TMEM132C: variants seen among roughly 807,000 people sequenced by gnomAD.
TMEM132C encodes the protein protein phosphatase 1, regulatory subunit 152.
A neutral mutation model predicts 61.4 loss-of-function variants in TMEM132C; 29 were observed. The observed-to-expected ratio is 0.47, with a 90% CI of 0.35 to 0.64. TMEM132C has a LOEUF of 0.64. Ranked by LOEUF, TMEM132C falls within the 30% of genes least tolerant of loss-of-function variation. The probability of loss-of-function intolerance (pLI) is 0.00; values close to 1 mark genes in which losing one functional copy is unlikely to be tolerated. For missense variants in TMEM132C, 1,408 were observed against 1,476.9 expected (o/e 0.95, Z 0.76); for synonymous variants, 656 against 633.1 (o/e 1.04, Z -0.54).
At chr12:128,340,892 T>TTCTC (rs200810488) in intron 1 of TMEM132C, among the ~76,000 whole-genome samples, 1 of 142,464 alleles carries the variant, frequency 7.0e-6, no homozygotes, top group African/African-American at 2.8e-5. Flanking sequence ...TTCTTTTTCT[T>TTCTC]TCTTTCTCTC....
At chr12:128,374,791 G>T (rs1235502297) in intron 1 of TMEM132C, among the ~76,000 whole-genome samples, 1 of 151,848 alleles carries the variant, frequency 6.6e-6, no homozygotes, top group African/African-American at 2.4e-5. Context: ...GCGGTGGCAG[G>T]TGCCTGTGAT....
At chr12:128,355,540 A>T (rs184954189) in intron 1 of TMEM132C, among the ~76,000 whole-genome samples, 3 of 152,020 alleles carry the variant, frequency 2.0e-5, no homozygotes, top group Admixed American at 2.0e-4. Flanking sequence ...AAATCCTGTC[A>T]GTCATTGTCA....
chr12:128,702,628 G>GTTGCT (rs1954812041), intron 8 of TMEM132C, among the ~76,000 whole-genome samples: 1 of 152,168 alleles, frequency 6.6e-6, no homozygotes, highest in Non-Finnish European at 1.5e-5. Flanking sequence ...TGTTCTGAAG[G>GTTGCT]AGGTTGTATT....
chr12:128,434,870 C>T (rs936113641), intron 2 of TMEM132C, among the ~76,000 whole-genome samples: 3 of 151,746 alleles, frequency 2.0e-5, no homozygotes, highest in African/African-American at 7.3e-5. Context: ...AATCTGCCTG[C>T]CTCGACCTCC....
intron 2 of TMEM132C, among the ~76,000 whole-genome samples, chr12:128,510,120 G>C (rs931996608): frequency 6.6e-6 from 1 of 152,198 alleles, no homozygotes; most frequent in East Asian, 1.9e-4. Flanking sequence ...ATCCCAACAG[G>C]TCCAGGGGAT....
intron 1 of TMEM132C, among the ~76,000 whole-genome samples, chr12:128,414,468 A>C (rs1444600655): frequency 6.6e-6 from 1 of 152,208 alleles, no homozygotes; most frequent in Non-Finnish European, 1.5e-5. Flanking sequence ...GTTGAACTCT[A>C]TGAAACTGCC....
At chr12:128,369,830 C>T (rs1016552927) in intron 1 of TMEM132C, among the ~76,000 whole-genome samples, 1 of 152,188 alleles carries the variant, frequency 6.6e-6, no homozygotes, top group African/African-American at 2.4e-5. Flanking sequence ...TCCTGTTGTG[C>T]ACACGTTTTG....
intron 3 of TMEM132C, among the ~76,000 whole-genome samples, chr12:128,608,508 TCAAACC>T (rs1164218425): frequency 6.6e-6 from 1 of 152,170 alleles, no homozygotes; most frequent in Admixed American, 6.5e-5. Flanking sequence ...AAGTCAGAAT[TCAAACC>T]CAAATGTGTT....
Position 128,310,804 on chromosome 12 carries a change from C to A in TMEM132C, c.85+43317C>A, listed in dbSNP as rs565657472. On this transcript the variant is annotated intron_variant, in intron 1 of 8. Transcript: ENST00000435159. Reference sequence around the variant, plus strand: ...ATATGGTGGGATAGAGAAAATAAGACCTTGTGTTAGATAGATTAGCAAGGT... The same window carrying A: ...ATATGGTGGGATAGAGAAAATAAGAACTTGTGTTAGATAGATTAGCAAGGT... Among the ~76,000 whole-genome samples the A allele has an allele frequency of 3.9e-5, 6 of 152,214 alleles. No individual in the cohort carries two copies. The South Asian group carries it at 8.3e-4, about 21-fold the overall frequency.
At chr12:128,368,605 G>A (rs1300050571) in intron 1 of TMEM132C, among the ~76,000 whole-genome samples, 1 of 152,212 alleles carries the variant, frequency 6.6e-6, no homozygotes, top group Admixed American at 6.5e-5. Flanking sequence ...GGGCATGAAG[G>A]TGTAAGGTAT....
At chr12:128,499,367 G>A (rs894532934) in intron 2 of TMEM132C, among the ~76,000 whole-genome samples, 3 of 151,910 alleles carry the variant, frequency 2.0e-5, no homozygotes, top group African/African-American at 7.3e-5. Context: ...GGGTAATTGG[G>A]GTATCCATCA....
chr12:128,628,343 C>A (rs1434689703), intron 4 of TMEM132C, among the ~76,000 whole-genome samples: 1 of 152,200 alleles, frequency 6.6e-6, no homozygotes, highest in African/African-American at 2.4e-5. Context: ...TTCCCAGCCC[C>A]TCCCATGCGC....
At chr12:128,305,190 C>T (rs1871727677) in intron 1 of TMEM132C, among the ~76,000 whole-genome samples, 1 of 151,948 alleles carries the variant, frequency 6.6e-6, no homozygotes, top group Non-Finnish European at 1.5e-5. Flanking sequence ...CTCGGCAACA[C>T]AGTAGGACTC....
At chr12:128,374,600 C>G (rs1874129798) in intron 1 of TMEM132C, among the ~76,000 whole-genome samples, 1 of 152,048 alleles carries the variant, frequency 6.6e-6, no homozygotes, top group African/African-American at 2.4e-5. Flanking sequence ...ATGCCAAGTG[C>G]TGTGTTAGGC....
At chr12:128,614,012 C>T (rs116403672) in intron 3 of TMEM132C, among the ~76,000 whole-genome samples, 3,234 of 152,256 alleles carry the variant, frequency 0.021, 93 homozygotes, top group African/African-American at 0.074. Context: ...ACTGACCCAC[C>T]ACTTAGCGCC....
intron 2 of TMEM132C, among the ~76,000 whole-genome samples, chr12:128,534,646 G>A (rs12366321): frequency 0.083 from 12,605 of 152,268 alleles, 584 homozygotes; most frequent in Middle Eastern, 0.16. Context: ...AGTGTTTACC[G>A]CCCACTTCCA....
At position 128,443,646 on chromosome 12, in the gene TMEM132C, G is replaced by C. The variant is rs114210206; in HGVS notation, c.974+28026G>C. 3.5e-3 allele frequency among the ~76,000 whole-genome samples: 532 copies of C among 152,210 alleles called. 1 individual carries two copies. The highest frequency in any genetic ancestry group is 0.012 in the African/African-American group (518 of 41,526). On this transcript the variant is annotated intron_variant, in intron 2 of 8. Transcript: ENST00000435159. The stretch of plus-strand genomic sequence containing the variant: ...GTATTTTAAAGTCTCTCTCTGGATG[G>C]CTCTGATGAACGGACAAGGCTAAAA...
chr12:128,294,995 A>ATAGATAGATAGATAGATAGATAGG (rs1418393655), intron 1 of TMEM132C, among the ~76,000 whole-genome samples: 1 of 151,770 alleles, frequency 6.6e-6, no homozygotes, highest in East Asian at 1.9e-4. Context: ...TAATAGATAG[A>ATAGATAGATAGATAGATAGATAGG]TAGATAGGTA....
At chr12:128,450,100 A>G (rs1870130136) in intron 2 of TMEM132C, among the ~76,000 whole-genome samples, 2 of 152,224 alleles carry the variant, frequency 1.3e-5, no homozygotes, top group African/African-American at 4.8e-5. Flanking sequence ...AACATTGTGT[A>G]GTGGTGGTAA....
Sources: gnomAD v4.1 joint callset for allele counts (sites outside exome capture counted in the v4.1 genomes callset) on GRCh38, gnomAD v4.1.1 for gene constraint, MANE v1.5 for transcripts, NCBI Gene and HGNC (gene_info 2026-07-23, HGNC 2026-07-21) for gene names.